The following LTBP1 variants were observed in gnomAD, a reference collection of about 807,000 sequenced individuals.
The protein encoded by LTBP1 is latent transforming growth factor beta binding protein 1, also known as latent-transforming growth factor beta-binding protein 1.
Under a neutral mutation model 207.6 loss-of-function variants are expected in LTBP1, and 129 were observed. That is an observed-to-expected ratio of 0.62 (90% CI 0.54 to 0.72). The LOEUF is 0.72. Ranked by LOEUF, LTBP1 falls within the 30% of genes least tolerant of loss-of-function variation. The pLI, the probability that LTBP1 is intolerant of heterozygous loss-of-function variation, is 0.00. For missense variants in LTBP1, 2,281 were observed against 2,217.2 expected (o/e 1.03, Z -0.58); for synonymous variants, 963 against 833.7 (o/e 1.16, Z -2.67).
At chr2:33,343,129 G>A (rs924319235) in intron 25 of LTBP1, among the ~76,000 whole-genome samples, 166 bp downstream of exon 25, 77 of 152,134 alleles carry the variant, frequency 5.1e-4, no homozygotes, top group African/African-American at 8.0e-4. Flanking sequence ...TTGGCTGGGT[G>A]CATGGCTCAC....
chr2:33,315,892 G>A (rs886421110), intron 24 of LTBP1, among the ~76,000 whole-genome samples: 1 of 152,100 alleles, frequency 6.6e-6, no homozygotes, highest in Non-Finnish European at 1.5e-5. Context: ...AGCCGAGATG[G>A]CACCATTGCA....
At chr2:33,229,813 G>A (rs1459838958) in intron 9 of LTBP1, among the ~76,000 whole-genome samples, 7 of 152,128 alleles carry the variant, frequency 4.6e-5, no homozygotes, top group Admixed American at 4.6e-4. Context: ...TCCTGGCTTA[G>A]GTCTCTGGAG....
At chr2:33,024,292 T>C (rs1032706107) in intron 3 of LTBP1, among the ~76,000 whole-genome samples, 5 of 152,184 alleles carry the variant, frequency 3.3e-5, no homozygotes, top group Non-Finnish European at 5.9e-5. Context: ...AGATAGGACA[T>C]GCTGGGTTGG....
intron 10 of LTBP1, among the ~76,000 whole-genome samples, chr2:33,248,259 T>C (rs2092572904): frequency 6.6e-6 from 1 of 152,244 alleles, no homozygotes; most frequent in East Asian, 1.9e-4. Flanking sequence ...ATGTGAATTA[T>C]CCCATATAAT....
chr2:33,383,082 G>A (rs938175916), intron 31 of LTBP1, among the ~76,000 whole-genome samples: 12 of 152,196 alleles, frequency 7.9e-5, no homozygotes, highest in Non-Finnish European at 1.3e-4. Context: ...TTGGCTGGGC[G>A]CAGTGGCTCA....
intron 18 of LTBP1, 46 bp downstream of exon 18, chr2:33,275,969 G>T (rs1299087788): frequency 1.3e-6 from 2 of 1,517,616 alleles, no homozygotes; most frequent in Middle Eastern, 1.8e-4. Context: ...TGATGTGCAG[G>T]GTTGGTAGGC....
At chr2:33,300,808 GA>G (rs570278000) in intron 21 of LTBP1, among the ~76,000 whole-genome samples, 4 of 152,226 alleles carry the variant, frequency 2.6e-5, no homozygotes, top group South Asian at 2.1e-4. Context: ...GTATTAAGAA[GA>G]AAAATTATTG....
At chr2:33,329,012 A>G (rs2094463216) in intron 24 of LTBP1, among the ~76,000 whole-genome samples, 1 of 152,200 alleles carries the variant, frequency 6.6e-6, no homozygotes, top group South Asian at 2.1e-4. Flanking sequence ...TCATGGGCAT[A>G]ATCACTAATT....
intron 5 of LTBP1, among the ~76,000 whole-genome samples, chr2:33,181,430 G>A (rs1027511627): frequency 2.6e-5 from 4 of 152,158 alleles, no homozygotes; most frequent in Admixed American, 6.5e-5. Context: ...CAACTGAAAC[G>A]CCTGACTTAT....
intron 3 of LTBP1, among the ~76,000 whole-genome samples, chr2:33,052,117 C>T (rs964822628): frequency 9.2e-5 from 14 of 152,202 alleles, no homozygotes; most frequent in Admixed American, 2.0e-4. Flanking sequence ...GATGTACTTT[C>T]CTGTCCAGAG....
At chr2:33,047,718 TA>T (rs1308785818) in intron 3 of LTBP1, among the ~76,000 whole-genome samples, 2 of 152,194 alleles carry the variant, frequency 1.3e-5, no homozygotes. Context: ...AGTGGGGTGT[TA>T]AAGTCTCCCA....
Position 33,313,418 on chromosome 2 carries a change from G to A in LTBP1, c.3605-1726G>A, listed in dbSNP as rs567089564. Among the ~76,000 whole-genome samples the A allele has an allele frequency of 3.0e-4, 45 of 152,330 alleles. 1 individual carries two copies. Among genetic ancestry groups the A allele is most frequent in the African/African-American group, 1.0e-3 (43 of 41,582 alleles). ...AAAAGAAGAGCTTCAGGAGATTCTG[G>A]CTGTAGGGAAAGGGATGACTTTATT... On this transcript the variant is annotated intron_variant, in intron 23 of 33. Transcript: ENST00000404816.
At chr2:33,371,777 T>C (rs2150213369) in intron 31 of LTBP1, among the ~76,000 whole-genome samples, 2 of 152,360 alleles carry the variant, frequency 1.3e-5, no homozygotes, top group Middle Eastern at 6.8e-3. Context: ...ACAGTAGTCC[T>C]CTGCCTTATC....
intron 5 of LTBP1, among the ~76,000 whole-genome samples, chr2:33,142,298 G>A (rs369526870): frequency 3.2e-3 from 488 of 152,050 alleles, no homozygotes; most frequent in Middle Eastern, 6.8e-3. Flanking sequence ...CTCGTGATCC[G>A]CCCGCCTCGG....
intron 18 of LTBP1, 34 bp downstream of exon 18, chr2:33,275,957 G>T (rs1445961797): frequency 1.4e-5 from 22 of 1,540,438 alleles, no homozygotes; most frequent in Non-Finnish European, 1.8e-5. Flanking sequence ...CACACATGAC[G>T]GTGATGTGCA....
intron 2 of LTBP1, among the ~76,000 whole-genome samples, 159 bp from the exon 3 acceptor site, chr2:33,020,750 C>T (rs182007049): frequency 6.6e-6 from 1 of 152,126 alleles, no homozygotes; most frequent in African/African-American, 2.4e-5. Flanking sequence ...AGCTCTCTTC[C>T]CCCTCCTCCG....
chr2:33,057,133 G>A (rs1159556814), intron 3 of LTBP1, among the ~76,000 whole-genome samples: 1 of 147,404 alleles, frequency 6.8e-6, no homozygotes, highest in East Asian at 1.9e-4. Flanking sequence ...GTGCTGATTG[G>A]TGTATTCACA....
intron 1 of LTBP1, among the ~76,000 whole-genome samples, chr2:32,948,086 ACCT>A (rs1216613946): frequency 6.7e-6 from 1 of 150,232 alleles, no homozygotes; most frequent in Non-Finnish European, 1.5e-5. Flanking sequence ...CTGGGGCGTA[ACCT>A]TCTGCGCGCA....
chr2:33,252,476 G>C (rs181700278), intron 10 of LTBP1, among the ~76,000 whole-genome samples: 1 of 152,270 alleles, frequency 6.6e-6, no homozygotes, highest in Non-Finnish European at 1.5e-5. Flanking sequence ...GACAATCACT[G>C]TCACGACTTT....
Sources: allele counts gnomAD v4.1 joint callset (sites outside exome capture counted in the v4.1 genomes callset), GRCh38; gene constraint gnomAD v4.1.1; transcripts MANE v1.5; gene names NCBI Gene and HGNC (gene_info 2026-07-23, HGNC 2026-07-21).